The following GNG2 variants were observed in gnomAD, a reference collection of about 807,000 sequenced individuals.
GNG2 encodes the protein G protein subunit gamma 2, also known as guanine nucleotide-binding protein G(I)/G(S)/G(O) subunit gamma-2.
In GNG2, 5 loss-of-function variants were observed where a neutral mutation model predicts 5.5. That is an observed-to-expected ratio of 0.91 (90% CI 0.48 to 1.92). The LOEUF (loss-of-function observed/expected upper bound fraction) is 1.92, where lower values mean the gene tolerates loss of function less well. Ranked by LOEUF, GNG2 falls within the 30% of genes most tolerant of loss-of-function variation. The probability of loss-of-function intolerance (pLI) is 0.01; values close to 1 mark genes in which losing one functional copy is unlikely to be tolerated. For synonymous variants in GNG2, 28 were observed against 32.0 expected, an observed-to-expected ratio of 0.88 and a Z score of 0.42; for missense variants, 55 against 88.4, an observed-to-expected ratio of 0.62 and a Z score of 1.52.
intron 3 of GNG2, among the ~76,000 whole-genome samples, chr14:51,960,001 C>A (rs1412756113): frequency 6.6e-6 from 1 of 152,010 alleles, no homozygotes; most frequent in African/African-American, 2.4e-5. Context: ...TCTTGAGTTA[C>A]TTGAACCTGT....
intron 2 of GNG2, among the ~76,000 whole-genome samples, chr14:51,851,896 T>A (rs1881924976): frequency 6.6e-6 from 1 of 152,220 alleles, no homozygotes; most frequent in Non-Finnish European, 1.5e-5. Context: ...TAAATAAAGG[T>A]GCAGGTAATG....
In GNG2 at chr14:51,968,731, A is replaced by G. The variant is rs979197233; in HGVS notation, c.*2044A>G. On this transcript the variant is annotated 3_prime_UTR_variant, in exon 4 of 4. Transcript: ENST00000556766. The stretch of plus-strand genomic sequence containing the variant: ...TAAGCTAAAACATATCACAGTTTTT[A>G]CATGGGCCAAAACATGAATTGAGTA... The G allele has an allele frequency of 1.4e-4, 21 of 152,242 alleles. No individual in the cohort carries two copies. The highest frequency in any genetic ancestry group is 3.6e-4 in the African/African-American group (15 of 41,466). The allele number at this position is 152,242 out of a possible 1,614,324, so 9.4% of individuals were successfully genotyped here. A position where few individuals can be genotyped will look rare whatever the true frequency, so the allele number is the denominator to read the frequency against.
intron 2 of GNG2, among the ~76,000 whole-genome samples, chr14:51,948,427 C>G (rs11624779): frequency 0.35 from 52,475 of 151,698 alleles, 9,524 homozygotes; most frequent in Middle Eastern, 0.42. Flanking sequence ...GCATTCCAGC[C>G]AGATGAATGA....
intron 1 of GNG2, among the ~76,000 whole-genome samples, chr14:51,876,232 C>T (rs1883654293): frequency 6.6e-6 from 1 of 151,970 alleles, no homozygotes. Context: ...AGCCACTGCA[C>T]CTGGCCCGTT....
chr14:51,935,611 C>T (rs1887946842), intron 2 of GNG2, among the ~76,000 whole-genome samples: 1 of 152,100 alleles, frequency 6.6e-6, no homozygotes, highest in South Asian at 2.1e-4. Context: ...TGTCTTAAAC[C>T]TGGGTTTAAG....
At chr14:51,923,537 A>G (rs12895248) in intron 2 of GNG2, among the ~76,000 whole-genome samples, 7,100 of 133,634 alleles carry the variant, frequency 0.053, 172 homozygotes, top group African/African-American at 0.063. Context: ...ATATATATAC[A>G]CATATACACA....
chr14:51,920,051 T>C (rs1886922297), intron 2 of GNG2, among the ~76,000 whole-genome samples: 1 of 152,166 alleles, frequency 6.6e-6, no homozygotes. Flanking sequence ...CTCAAGTCCC[T>C]GTATAAAATG....
chr14:51,849,753 T>C (rs866593693), intron 2 of GNG2, among the ~76,000 whole-genome samples: 4 of 152,204 alleles, frequency 2.6e-5, no homozygotes, highest in Middle Eastern at 6.8e-3. Context: ...CCAATAAATA[T>C]TTGTATATTC....
rs1890099994 is a variant in GNG2 at position 51,969,425 on chromosome 14, T to C, written c.*2738T>C. On this transcript the variant is annotated 3_prime_UTR_variant, in exon 4 of 4. Transcript: ENST00000556766. Reference sequence around the variant, plus strand: ...GATCTATGTTTGATTTTGCTAATAATATTTGAAGGAGATTGCCTACCAAGG... The same window carrying C: ...GATCTATGTTTGATTTTGCTAATAACATTTGAAGGAGATTGCCTACCAAGG... 6.6e-6 allele frequency: 1 copy of C among 152,204 alleles called. No homozygotes were observed. The highest frequency in any genetic ancestry group is 1.5e-5 in the Non-Finnish European group (1 of 68,020). 9.4% of individuals were successfully genotyped at this position (152,204 alleles called of 1,614,324 possible). A position where few individuals can be genotyped will look rare whatever the true frequency, so the allele number is the denominator to read the frequency against.
At chr14:51,858,992 A>C (rs1025673941), upstream of GNG2, among the ~76,000 whole-genome samples, 1 of 152,190 alleles carries the variant, frequency 6.6e-6, no homozygotes, top group African/African-American at 2.4e-5. Flanking sequence ...TAGAAATTAA[A>C]TTCTGTACCT....
At chr14:51,910,316 AG>A (rs1285914802) in intron 2 of GNG2, among the ~76,000 whole-genome samples, 4 of 152,194 alleles carry the variant, frequency 2.6e-5, no homozygotes, top group Non-Finnish European at 5.9e-5. Flanking sequence ...GGCAGGAAAG[AG>A]GGGGGCTAGC....
chr14:51,879,600 G>C (rs1028140539), intron 2 of GNG2, among the ~76,000 whole-genome samples: 8 of 152,158 alleles, frequency 5.3e-5, no homozygotes, highest in Admixed American at 3.9e-4. Flanking sequence ...CTTTCTGAAG[G>C]CTCTCTGGGT....
intron 2 of GNG2, among the ~76,000 whole-genome samples, chr14:51,936,045 C>T (rs1036298249): frequency 7.2e-5 from 11 of 152,114 alleles, no homozygotes; most frequent in Admixed American, 7.2e-4. Context: ...AAGCCCCATC[C>T]TGGAGAGTCC....
chr14:51,933,829 C>T (rs1428001687), intron 2 of GNG2, among the ~76,000 whole-genome samples: 2 of 152,022 alleles, frequency 1.3e-5, no homozygotes, highest in Non-Finnish European at 1.5e-5. Flanking sequence ...AAAGAAGCAG[C>T]GAGCTCACCA....
chr14:51,961,743 A>G (rs965990239), intron 3 of GNG2, among the ~76,000 whole-genome samples: 3 of 152,198 alleles, frequency 2.0e-5, no homozygotes, highest in East Asian at 1.9e-4. Flanking sequence ...GAAGAGAACA[A>G]TATTCTAGGA....
At chr14:51,872,310 T>TTG (rs35147124) in intron 1 of GNG2, among the ~76,000 whole-genome samples, 1,964 of 149,966 alleles carry the variant, frequency 0.013, 17 homozygotes, top group East Asian at 0.017. Flanking sequence ...AATGACTATT[T>TTG]TGTGTGTGTG....
intron 3 of GNG2, among the ~76,000 whole-genome samples, chr14:51,961,975 T>C (rs1889640794): frequency 6.6e-6 from 1 of 152,206 alleles, no homozygotes; most frequent in Non-Finnish European, 1.5e-5. Flanking sequence ...TCCACTTGTA[T>C]TTTAAAAATA....
intron 2 of GNG2, among the ~76,000 whole-genome samples, chr14:51,925,206 T>C (rs1887237440): frequency 6.6e-6 from 1 of 152,258 alleles, no homozygotes; most frequent in South Asian, 2.1e-4. Flanking sequence ...GTTGTATACA[T>C]GTATGAAAAT....
At chr14:51,915,207 T>A (rs1251809888) in intron 2 of GNG2, among the ~76,000 whole-genome samples, 2 of 152,212 alleles carry the variant, frequency 1.3e-5, no homozygotes, top group African/African-American at 2.4e-5. Context: ...AATAAGGGCA[T>A]CATCCTTAAA....
Sources: gnomAD v4.1 joint callset for allele counts (sites outside exome capture counted in the v4.1 genomes callset) on GRCh38, gnomAD v4.1.1 for gene constraint, MANE v1.5 for transcripts, NCBI Gene and HGNC (gene_info 2026-07-23, HGNC 2026-07-21) for gene names.